Variants in NPLOC4 observed in about 807,000 individuals in gnomAD.
NPLOC4 encodes the protein nuclear protein localization protein 4 homolog.
Under a neutral mutation model 80.6 loss-of-function variants are expected in NPLOC4, and 18 were observed. The ratio of observed to expected loss-of-function variants is 0.22; its 90% confidence interval spans 0.15 to 0.33. The LOEUF (loss-of-function observed/expected upper bound fraction) is 0.33. Among genes scored for constraint, NPLOC4 ranks in the 10% least tolerant of loss-of-function variants. The pLI is 1.00. For synonymous variants in NPLOC4, 313 were observed against 301.5 expected (o/e 1.04, Z -0.39); for missense variants, 540 against 786.1 (o/e 0.69, Z 3.74).
At chr17:81,623,464 CAAA>C (rs60092546) in intron 2 of NPLOC4, among the ~76,000 whole-genome samples, 4 of 82,598 alleles carry the variant, frequency 4.8e-5, no homozygotes, top group Non-Finnish European at 6.5e-5. Context: ...GACTTTGTTT[CAAA>C]AAAAAAAAAA....
chr17:81,597,067 T>TGC (rs1321426737), intron 10 of NPLOC4, among the ~76,000 whole-genome samples, 178 bp downstream of exon 10: 2 of 151,876 alleles, frequency 1.3e-5, no homozygotes, highest in African/African-American at 2.4e-5. Context: ...GAGCAGAGAT[T>TGC]GCGCCACTGC....
At chr17:81,621,125 GAAAGA>G (rs1231604808) in intron 3 of NPLOC4, among the ~76,000 whole-genome samples, 1 of 149,654 alleles carries the variant, frequency 6.7e-6, no homozygotes, top group Non-Finnish European at 1.5e-5. Context: ...AGGAAGGAAG[GAAAGA>G]AAAGAAAAAA....
In NPLOC4 at chr17:81,572,688, C is replaced by T. The variant is rs1488757820; in HGVS notation, c.1282-600G>A. Among the ~76,000 whole-genome samples, 1 of 152,192 alleles carries T rather than the reference C, an allele frequency of 6.6e-6. No individual in the cohort carries two copies. The highest frequency in any genetic ancestry group is 6.5e-5 in the Admixed American group (1 of 15,276). On this transcript the variant is annotated intron_variant, in intron 12 of 16. Coordinates refer to ENST00000331134, the MANE Select transcript of NPLOC4 (RefSeq NM_017921.4). This position sits in a 1 kb window ranked among gnomAD's most constrained non-coding sequence, Gnocchi z 4.5. Reference sequence around the variant, plus strand: ...TCAAATGCCTCCTCTCCACCCATGGCGCTTGGCCTGGCACTCAGGCGCGAT... The same window carrying T: ...TCAAATGCCTCCTCTCCACCCATGGTGCTTGGCCTGGCACTCAGGCGCGAT...
intron 9 of NPLOC4, among the ~76,000 whole-genome samples, chr17:81,599,046 T>C (rs557705471): frequency 6.6e-6 from 1 of 152,362 alleles, no homozygotes; most frequent in East Asian, 1.9e-4. Flanking sequence ...CCCAGAACTT[T>C]GGGAGACCAA....
intron 11 of NPLOC4, among the ~76,000 whole-genome samples, chr17:81,590,112 T>G (rs894252703): frequency 1.3e-5 from 2 of 152,118 alleles, no homozygotes; most frequent in Admixed American, 6.6e-5. Context: ...GCCTCTGTCT[T>G]CCAGAAACCT....
At chr17:81,606,354 T>C (rs991257296) in intron 7 of NPLOC4, among the ~76,000 whole-genome samples, 1 of 152,044 alleles carries the variant, frequency 6.6e-6, no homozygotes, top group Non-Finnish European at 1.5e-5. Context: ...CCTGGACAGG[T>C]GCTCAGAGCT....
At chr17:81,563,949 T>C (rs758256752) in intron 16 of NPLOC4, 19 of 454,506 alleles carry the variant, frequency 4.2e-5, no homozygotes, top group African/African-American at 3.4e-4. Flanking sequence ...GGTGTGGTGG[T>C]ACACATCTGT....
rs1431344896 is a variant in NPLOC4, at chr17:81,559,220, T to C, written c.*39A>G. 1 of 1,558,682 alleles carries C rather than the reference T, an allele frequency of 6.4e-7. No homozygotes were observed. On this transcript the variant is annotated 3_prime_UTR_variant, in exon 17 of 17. Coordinates refer to ENST00000331134, the MANE Select transcript of NPLOC4 (RefSeq NM_017921.4). Reference sequence around the variant, plus strand: ...CAACGCTTCTGGCTTCAGGAAGGGCTGGGCTGGGCCCGGTCCTAGCCAGCA... The same window carrying C: ...CAACGCTTCTGGCTTCAGGAAGGGCCGGGCTGGGCCCGGTCCTAGCCAGCA...
At chr17:81,608,635 TTC>T (rs2035264997) in intron 6 of NPLOC4, 91 bp downstream of exon 6, 4 of 857,958 alleles carry the variant, frequency 4.7e-6, no homozygotes, top group South Asian at 1.5e-5. Flanking sequence ...TCATCTTTAC[TTC>T]TCTCATTCAC....
At chr17:81,559,490 C>A (rs1285456570) in intron 16 of NPLOC4, 74 bp from the exon 17 acceptor site, 3 of 1,479,608 alleles carry the variant, frequency 2.0e-6, no homozygotes, top group Non-Finnish European at 9.1e-7. Flanking sequence ...GGCATGGGGG[C>A]AGGGGCAGGC....
intron 16 of NPLOC4, 123 bp from the exon 17 acceptor site, chr17:81,559,539 T>C (rs963306166): frequency 6.2e-6 from 7 of 1,129,618 alleles, no homozygotes; most frequent in Admixed American, 5.3e-5. Flanking sequence ...CACCCAGTGC[T>C]GGTCCTGCCC....
In NPLOC4 at chr17:81,581,375, A is replaced by AAAAAAAAAAAAAAAAAAAAAAAAGTC. The variant is rs1555680405; in HGVS notation, c.1281+7568_1281+7569insGACTTTTTTTTTTTTTTTTTTTTTTT. On this transcript the variant is annotated intron_variant, in intron 12 of 16. Coordinates refer to ENST00000331134, the MANE Select transcript of NPLOC4 (RefSeq NM_017921.4). ...AAAAAAAAAAAAAAAAAAAAAAAAAAAGTTAATAAAATCACCATGTCACAA... is the reference window on the plus strand; with the variant it reads ...AAAAAAAAAAAAAAAAAAAAAAAAAAAAAAAAAAAAAAAAAAAAAAAAAGTCAGTTAATAAAATCACCATGTCACAA... 8.2e-5 allele frequency among the ~76,000 whole-genome samples: 6 copies of AAAAAAAAAAAAAAAAAAAAAAAAGTC among 72,860 alleles called. 2 individuals are homozygous for AAAAAAAAAAAAAAAAAAAAAAAAGTC. The highest frequency in any genetic ancestry group is 5.7e-5 in the Non-Finnish European group (2 of 34,992). The allele number at this position is 72,860 out of a possible 152,430, so 47.8% of individuals were successfully genotyped here.
chr17:81,587,158 G>A (rs1359707263), intron 12 of NPLOC4, among the ~76,000 whole-genome samples: 1 of 152,182 alleles, frequency 6.6e-6, no homozygotes, highest in African/African-American at 2.4e-5. Flanking sequence ...CAGGTGATAT[G>A]AGTTAGTATA....
intron 9 of NPLOC4, among the ~76,000 whole-genome samples, chr17:81,598,020 G>A (rs903582216): frequency 8.6e-5 from 13 of 150,928 alleles, no homozygotes; most frequent in African/African-American, 2.9e-4. Flanking sequence ...GTGTGAACCC[G>A]GGAGGTGAAG....
At chr17:81,593,066 C>A (rs1371046288) in intron 11 of NPLOC4, among the ~76,000 whole-genome samples, 1 of 152,206 alleles carries the variant, frequency 6.6e-6, no homozygotes, top group Non-Finnish European at 1.5e-5. Context: ...TACTGTGGAA[C>A]TGTTCCATAT....
At chr17:81,583,401 A>T (rs1199483782) in intron 12 of NPLOC4, among the ~76,000 whole-genome samples, 1 of 152,246 alleles carries the variant, frequency 6.6e-6, no homozygotes, top group Non-Finnish European at 1.5e-5. Flanking sequence ...AGAATAGAAA[A>T]GGAAACAAGA....
chr17:81,565,603 C>G lies in NPLOC4; in HGVS notation c.1571G>C (p.Ser524Thr). Reference sequence around the variant, plus strand: ...CACGGCCTCCAGCAGCAAGCTGATGCTGTCCTACAAGAAGCCAAAAGGAAG... The same window carrying G: ...CACGGCCTCCAGCAGCAAGCTGATGGTGTCCTACAAGAAGCCAAAAGGAAG... ...VTNEVMPLQD[S>T]ISLLLEAVRT... Residue 524 changes from serine (S) to threonine (T), a missense_variant, in exon 16 of 17, where the codon AGC becomes ACC. Ser to Thr is a moderately conservative substitution (Grantham distance 58). Coordinates refer to ENST00000331134, the MANE Select transcript of NPLOC4 (RefSeq NM_017921.4). The G allele has an allele frequency of 6.5e-7, 1 of 1,547,880 alleles. No homozygotes were observed. The highest frequency in any genetic ancestry group is 8.7e-7 in the Non-Finnish European group (1 of 1,147,536).
At chr17:81,622,119 G>A in intron 3 of NPLOC4, 47 bp downstream of exon 3, 1 of 1,374,648 alleles carries the variant, frequency 7.3e-7, no homozygotes, top group Non-Finnish European at 1.0e-6. Context: ...AGATCATGGG[G>A]ACCTCATTTC....
At chr17:81,603,674 C>T (rs2035125794) in intron 8 of NPLOC4, among the ~76,000 whole-genome samples, 1 of 152,106 alleles carries the variant, frequency 6.6e-6, no homozygotes, top group African/African-American at 2.4e-5. Flanking sequence ...CTCATATACC[C>T]ACCACTAGAT....
Sources: allele counts gnomAD v4.1 joint callset (sites outside exome capture counted in the v4.1 genomes callset), GRCh38; gene constraint gnomAD v4.1.1; non-coding constraint Gnocchi (gnomAD v3.1); transcripts MANE v1.5; gene names NCBI Gene and HGNC (gene_info 2026-07-23, HGNC 2026-07-21).